Variants in MAPRE2 observed in about 807,000 individuals in gnomAD.
MAPRE2 encodes the protein microtubule associated protein RP/EB family member 2, also known as microtubule-associated protein RP/EB family member 2.
Under a neutral mutation model 43.2 loss-of-function variants are expected in MAPRE2, and 13 were observed. That is an observed-to-expected ratio of 0.30 (90% confidence interval 0.20 to 0.48). The LOEUF is 0.48. Among genes scored for constraint, MAPRE2 ranks in the 20% least tolerant of loss-of-function variants. MAPRE2 has a pLI of 0.99. For missense variants in MAPRE2, 161 were observed against 400.2 expected, an observed-to-expected ratio of 0.40 and a Z score of 5.10; for synonymous variants, 135 against 148.8, an observed-to-expected ratio of 0.91 and a Z score of 0.68.
rs1471861598 is a variant in MAPRE2, at chr18:34,983,618, C to A, written c.-70+6539C>A. Among the ~76,000 whole-genome samples, 3 of 152,120 alleles carry A rather than the reference C, an allele frequency of 2.0e-5. No individual in the cohort carries two copies. In the East Asian group the frequency reaches 5.8e-4, roughly 29 times the overall value. ...TGGAAATAGCCCTACTATTTTATTTCTTTTCATTTAATTTCATTTATTTTA... is the reference window on the plus strand; with the variant it reads ...TGGAAATAGCCCTACTATTTTATTTATTTTCATTTAATTTCATTTATTTTA... On this transcript the variant is annotated intron_variant, in intron 1 of 7. Coordinates refer to the MAPRE2 transcript ENST00000413393.
At position 35,131,433 on chromosome 18, in the gene MAPRE2, A is replaced by T. The variant is rs528016046; in HGVS notation, c.751-599A>T. 1.8e-4 allele frequency among the ~76,000 whole-genome samples: 27 copies of T among 152,258 alleles called. No homozygotes were observed. The South Asian group carries it at 4.3e-3, about 25-fold the overall frequency. ...ACTTCTCACAGTTCTGGAGACTGGG[A>T]TGTCCAAGATCAAGGCGCCAGTAGA... On this transcript the variant is annotated intron_variant, in intron 5 of 6. Transcript: ENST00000300249.
At chr18:35,100,846 G>T (rs1908642147) in intron 3 of MAPRE2, among the ~76,000 whole-genome samples, 1 of 152,080 alleles carries the variant, frequency 6.6e-6, no homozygotes, top group African/African-American at 2.4e-5. Flanking sequence ...TTCAAGTCCA[G>T]TCTGGCCAAC....
intron 1 of MAPRE2, among the ~76,000 whole-genome samples, chr18:35,062,088 G>A (rs1350618870): frequency 6.6e-6 from 1 of 152,188 alleles, no homozygotes; most frequent in African/African-American, 2.4e-5. Context: ...AGCCTTTTGT[G>A]GTGAGGACGC....
intron 1 of MAPRE2, among the ~76,000 whole-genome samples, chr18:34,981,265 T>C (rs888142823): frequency 2.0e-5 from 3 of 151,850 alleles, no homozygotes; most frequent in Non-Finnish European, 2.9e-5. Context: ...TCCCAGCTAC[T>C]CGGGAGGCTG....
chr18:35,055,652 A>G (rs1323253869), intron 1 of MAPRE2, among the ~76,000 whole-genome samples: 1 of 151,942 alleles, frequency 6.6e-6, no homozygotes, highest in Non-Finnish European at 1.5e-5. Flanking sequence ...CTCACCAGAC[A>G]CACATAAAAG....
intron 1 of MAPRE2, 165 bp downstream of exon 1, chr18:35,041,826 G>A: frequency 6.9e-7 from 1 of 1,455,772 alleles, no homozygotes; most frequent in Non-Finnish European, 9.0e-7. Context: ...GTCATGTTGG[G>A]TTTGCATTGA....
chr18:35,070,536 C>G (rs1373178365), intron 2 of MAPRE2: 4 of 347,846 alleles, frequency 1.1e-5, no homozygotes, highest in Non-Finnish European at 2.1e-5. Context: ...CACACGGACA[C>G]GTATTGGAAA....
At chr18:34,993,984 T>C (rs1247889122) in intron 1 of MAPRE2, among the ~76,000 whole-genome samples, 6 of 145,028 alleles carry the variant, frequency 4.1e-5, no homozygotes, top group African/African-American at 1.5e-4. Flanking sequence ...AACTGAGGCA[T>C]GGATTTTCTT....
chr18:35,134,889 G>A (rs149837881), intron 6 of MAPRE2, among the ~76,000 whole-genome samples: 79 of 152,186 alleles, frequency 5.2e-4, no homozygotes, highest in African/African-American at 1.7e-3. Flanking sequence ...CTGGCACTGC[G>A]CTGACATCAT....
intron 1 of MAPRE2, among the ~76,000 whole-genome samples, chr18:34,990,224 ATGCT>A (rs2097023077): frequency 6.6e-6 from 1 of 152,148 alleles, no homozygotes. Flanking sequence ...TATAAAAAAC[ATGCT>A]TGGTGGGGAA....
intron 2 of MAPRE2, among the ~76,000 whole-genome samples, chr18:35,007,778 C>T (rs1178283170): frequency 2.0e-5 from 3 of 152,078 alleles, no homozygotes; most frequent in Non-Finnish European, 4.4e-5. Flanking sequence ...ACAGTTGACC[C>T]TTGAACAACA....
At chr18:35,039,955 T>C (rs1400492826), upstream of MAPRE2, among the ~76,000 whole-genome samples, 1 of 152,228 alleles carries the variant, frequency 6.6e-6, no homozygotes, top group African/African-American at 2.4e-5. Context: ...CTCATGCCTG[T>C]AATCCTAGCA....
In MAPRE2 at chr18:34,985,277, A is replaced by ATT. The variant is rs1210129742; in HGVS notation, c.-70+8198_-70+8199insTT. Among the ~76,000 whole-genome samples the ATT allele has an allele frequency of 2.8e-3, 116 of 41,140 alleles. 3 individuals are homozygous for ATT. Among genetic ancestry groups the ATT allele is most frequent in the African/African-American group, 7.5e-3 (68 of 9,118 alleles). 27.0% of individuals were successfully genotyped at this position (41,140 alleles called of 152,430 possible). A position where few individuals can be genotyped will look rare whatever the true frequency, so the allele number is the denominator to read the frequency against. Reference sequence around the variant, plus strand: ...TATAATATAATATATTATATAATATAATATATTATATATTATATTATATAT... The same window carrying ATT: ...TATAATATAATATATTATATAATATATTATATATTATATATTATATTATATAT... On this transcript the variant is annotated intron_variant, in intron 1 of 7. Coordinates refer to the MAPRE2 transcript ENST00000413393.
chr18:35,094,477 A>G (rs144941228), intron 2 of MAPRE2, among the ~76,000 whole-genome samples: 79 of 152,316 alleles, frequency 5.2e-4, no homozygotes, highest in African/African-American at 1.7e-3. Flanking sequence ...AAATCTAGAA[A>G]GAGATCTAAG....
At chr18:35,121,165 G>T (rs1246777183) in intron 4 of MAPRE2, among the ~76,000 whole-genome samples, 1 of 152,150 alleles carries the variant, frequency 6.6e-6, no homozygotes, top group Non-Finnish European at 1.5e-5. Flanking sequence ...GCTTTGATTT[G>T]CTTCATCCTT....
intron 2 of MAPRE2, among the ~76,000 whole-genome samples, chr18:35,092,723 G>A (rs913904735): frequency 1.3e-5 from 2 of 152,010 alleles, no homozygotes; most frequent in Non-Finnish European, 2.9e-5. Context: ...TCTGGCAAGG[G>A]GCTAATATAA....
At chr18:35,048,184 G>A (rs1430299572) in intron 1 of MAPRE2, among the ~76,000 whole-genome samples, 3 of 152,154 alleles carry the variant, frequency 2.0e-5, no homozygotes, top group African/African-American at 4.8e-5. Context: ...GCAGAAGCAA[G>A]AGAGAGGGAG....
intron 2 of MAPRE2, among the ~76,000 whole-genome samples, chr18:35,078,065 T>C (rs562556153): frequency 6.6e-6 from 1 of 152,298 alleles, no homozygotes; most frequent in South Asian, 2.1e-4. Context: ...AGAGTGTAAA[T>C]TTGGGGAAAA....
upstream of MAPRE2, among the ~76,000 whole-genome samples, chr18:35,036,627 C>A (rs2097050716): frequency 6.6e-6 from 1 of 152,148 alleles, no homozygotes; most frequent in Non-Finnish European, 1.5e-5. Context: ...TTTATCTTCC[C>A]TCTACACTGC....
Sources: gnomAD v4.1 joint callset for allele counts (sites outside exome capture counted in the v4.1 genomes callset) on GRCh38, gnomAD v4.1.1 for gene constraint, MANE v1.5 for transcripts, NCBI Gene and HGNC (gene_info 2026-07-23, HGNC 2026-07-21) for gene names.